Variants in OR2L13 observed in about 807,000 individuals in gnomAD.
OR2L13 encodes the protein olfactory receptor 2L13.
Under a neutral mutation model 15.3 loss-of-function variants are expected in OR2L13, and 14 were observed. The ratio of observed to expected loss-of-function variants is 0.91; its 90% CI spans 0.60 to 1.43. The LOEUF is 1.43. Ranked by LOEUF, OR2L13 falls within the 40% of genes most tolerant of loss-of-function variation. The pLI, the probability that OR2L13 is intolerant of heterozygous loss-of-function variation, is 0.00. For missense variants in OR2L13, 367 were observed against 387.9 expected (o/e 0.95, Z 0.45); for synonymous variants, 152 against 142.9 (o/e 1.06, Z -0.45).
At chr1:247,947,610 T>C in the OR2L13 span, among the ~76,000 whole-genome samples, 1 of 152,198 alleles carries the variant, frequency 6.6e-6, no homozygotes, top group Non-Finnish European at 1.5e-5. Context: ...TGTGTAATGT[T>C]ATCTAATCAC....
chr1:247,949,947 A>AAT, the OR2L13 span: 1 of 554,192 alleles, frequency 1.8e-6, no homozygotes, highest in Non-Finnish European at 2.9e-6. Flanking sequence ...TTGTTTTACA[A>AAT]ATATATATAT....
chr1:248,073,796 A>G, the OR2L13 span, among the ~76,000 whole-genome samples: 1 of 152,034 alleles, frequency 6.6e-6, no homozygotes, highest in Non-Finnish European at 1.5e-5. Context: ...GATAAATAAC[A>G]TGTTTTGACT....
At chr1:247,953,156 A>G in the OR2L13 span, among the ~76,000 whole-genome samples, 1 of 152,204 alleles carries the variant, frequency 6.6e-6, no homozygotes, top group Non-Finnish European at 1.5e-5. Flanking sequence ...TGTACTCCAG[A>G]TAATTTTGAA....
chr1:247,995,247 C>G, the OR2L13 span, among the ~76,000 whole-genome samples: 1 of 152,212 alleles, frequency 6.6e-6, no homozygotes, highest in African/African-American at 2.4e-5. Context: ...TTGTTAAACT[C>G]TATCTTTCCC....
the OR2L13 span, among the ~76,000 whole-genome samples, chr1:248,004,706 T>C: frequency 2.6e-4 from 39 of 152,320 alleles, no homozygotes; most frequent in East Asian, 7.3e-3. Context: ...CAACAAGGAC[T>C]GGAATGTGCC....
the OR2L13 span, chr1:248,084,293 G>A: frequency 1.2e-6 from 2 of 1,607,180 alleles, no homozygotes; most frequent in Non-Finnish European, 1.7e-6. Context: ...GTGTGGGGAG[G>A]AAGAAGATCT....
upstream of OR2L13, among the ~76,000 whole-genome samples, chr1:248,091,727 C>T (rs1471390091): frequency 1.3e-5 from 2 of 151,842 alleles, no homozygotes; most frequent in Non-Finnish European, 2.9e-5. Flanking sequence ...ATGTCTCCAG[C>T]TTTGTTCTTT....
At chr1:248,060,575 C>A in the OR2L13 span, 2 of 863,454 alleles carry the variant, frequency 2.3e-6, no homozygotes, top group Non-Finnish European at 3.7e-6. Flanking sequence ...ACTCCAGTCT[C>A]AAGAATTTAC....
the OR2L13 span, among the ~76,000 whole-genome samples, chr1:248,065,284 T>C: frequency 6.6e-6 from 1 of 152,244 alleles, no homozygotes; most frequent in Non-Finnish European, 1.5e-5. Context: ...TTTTACAGCA[T>C]GTGGTATCTA....
At chr1:248,096,133 C>T (rs1372469413), upstream of OR2L13, among the ~76,000 whole-genome samples, 2 of 151,868 alleles carry the variant, frequency 1.3e-5, no homozygotes, top group Non-Finnish European at 2.9e-5. Context: ...AATCCCAGCA[C>T]TTTGGGAGGC....
the OR2L13 span, chr1:248,022,890 T>G: frequency 6.3e-7 from 1 of 1,598,222 alleles, no homozygotes; most frequent in Non-Finnish European, 8.5e-7. Context: ...AATGTAGACA[T>G]ACGTTCTGTG....
chr1:248,002,044 A>G, the OR2L13 span, among the ~76,000 whole-genome samples: 1 of 152,182 alleles, frequency 6.6e-6, no homozygotes, highest in Non-Finnish European at 1.5e-5. Flanking sequence ...TGTATATAGT[A>G]TTGGATTTGT....
At chr1:248,078,485 T>TAC in the OR2L13 span, among the ~76,000 whole-genome samples, 169 of 147,768 alleles carry the variant, frequency 1.1e-3, no homozygotes, top group African/African-American at 3.8e-3. Context: ...CACACACACA[T>TAC]ACACACACAC....
the OR2L13 span, chr1:247,966,269 CG>C: frequency 4.3e-6 from 7 of 1,613,274 alleles, no homozygotes; most frequent in Non-Finnish European, 5.9e-6. Context: ...AAGGAAGTGA[CG>C]GGGGCAGTGA....
the OR2L13 span, among the ~76,000 whole-genome samples, chr1:248,006,312 G>A: frequency 0.037 from 5,589 of 151,018 alleles, 310 homozygotes; most frequent in African/African-American, 0.13. Flanking sequence ...CGCCAGGCCA[G>A]TTGTCTCATG....
the OR2L13 span, among the ~76,000 whole-genome samples, chr1:247,951,969 G>A: frequency 1.3e-5 from 2 of 151,810 alleles, no homozygotes; most frequent in African/African-American, 4.9e-5. Flanking sequence ...AGATGTGTGT[G>A]TGTTTGTGTG....
At chr1:247,998,067 T>C in the OR2L13 span, among the ~76,000 whole-genome samples, 2 of 152,114 alleles carry the variant, frequency 1.3e-5, no homozygotes, top group African/African-American at 4.8e-5. Context: ...TGTTTGATAA[T>C]GAGGAAATAA....
chr1:248,040,861 T>C, the OR2L13 span: 1 of 152,288 alleles, frequency 6.6e-6, no homozygotes, highest in South Asian at 2.1e-4. Context: ...GAATAATCAT[T>C]TTCAAACAAG....
At chr1:248,061,531 C>T in the OR2L13 span, 3 of 1,613,922 alleles carry the variant, frequency 1.9e-6, no homozygotes, top group East Asian at 2.2e-5. Flanking sequence ...CACTCCAATG[C>T]TCAACCCCAT....
Sources: gnomAD v4.1 joint callset for allele counts (sites outside exome capture counted in the v4.1 genomes callset) on GRCh38, gnomAD v4.1.1 for gene constraint, MANE v1.5 for transcripts, NCBI Gene and HGNC (gene_info 2026-07-23, HGNC 2026-07-21) for gene names.